COL5A2: variants seen among roughly 807,000 people sequenced by gnomAD.
COL5A2 encodes the protein collagen alpha-2(V) chain.
Under a neutral mutation model 208.2 loss-of-function variants are expected in COL5A2, and 23 were observed. The observed-to-expected ratio is 0.11, with a 90% CI of 0.08 to 0.16. COL5A2 has a LOEUF of 0.16. Among genes scored for constraint, COL5A2 ranks in the 10% least tolerant of loss-of-function variants. The pLI, the probability that COL5A2 is intolerant of heterozygous loss-of-function variation, is 1.00. For missense variants in COL5A2, 1,590 were observed against 1,956.4 expected (o/e 0.81, Z 3.53); for synonymous variants, 625 against 628.5 (o/e 0.99, Z 0.08).
upstream of COL5A2, among the ~76,000 whole-genome samples, chr2:189,180,662 T>A (rs903783857): frequency 6.6e-6 from 1 of 152,210 alleles, no homozygotes; most frequent in Non-Finnish European, 1.5e-5. Flanking sequence ...TTAGTGACAC[T>A]AAAATGAGTA....
chr2:189,292,672 G>C, the COL5A2 span, among the ~76,000 whole-genome samples: 245 of 152,236 alleles, frequency 1.6e-3, 1 homozygote, highest in African/African-American at 5.5e-3. Context: ...TAAACTAGCT[G>C]AACCATTGTG....
At chr2:189,392,353 C>T in the COL5A2 span, among the ~76,000 whole-genome samples, 1 of 152,088 alleles carries the variant, frequency 6.6e-6, no homozygotes, top group Non-Finnish European at 1.5e-5. Flanking sequence ...CTGACTTTGA[C>T]CTTATCCTCT....
In COL5A2 at chr2:189,110,414, C is replaced by T; in HGVS notation, c.133G>A (p.Gly45Ser). Residue 45 changes from glycine to serine, a missense_variant, in exon 2 of 54, where the codon GGC (glycine) becomes AGC (serine). Transcript: ENST00000374866. ...YGEEIACTQN[G>S]QMYLNRDIWK... is the part of the protein sequence containing the mutation. ...ATGTCCCTGTTTAAGTACATCTGGCCATTCTGAGTGCAGGCTATTTCTTCA... is the reference window on the plus strand; with the variant it reads ...ATGTCCCTGTTTAAGTACATCTGGCTATTCTGAGTGCAGGCTATTTCTTCA... 1.2e-6 allele frequency: 2 copies of T among 1,614,048 alleles called. No homozygotes were observed. Among genetic ancestry groups the T allele is most frequent in the Non-Finnish European group, 1.7e-6 (2 of 1,179,944 alleles).
chr2:189,069,302 T>G (rs1341474242), intron 18 of COL5A2, among the ~76,000 whole-genome samples: 1 of 152,236 alleles, frequency 6.6e-6, no homozygotes, highest in South Asian at 2.1e-4. Flanking sequence ...ACACTGAGTC[T>G]ACTCAAAGAA....
chr2:189,038,150 T>C (rs929806412), intron 51 of COL5A2, among the ~76,000 whole-genome samples: 4 of 152,144 alleles, frequency 2.6e-5, no homozygotes, highest in African/African-American at 9.7e-5. Flanking sequence ...GAGCATAGTA[T>C]CCAATAGGTA....
chr2:189,287,430 G>A, the COL5A2 span, among the ~76,000 whole-genome samples: 2 of 151,948 alleles, frequency 1.3e-5, no homozygotes, highest in South Asian at 2.1e-4. Context: ...GGAAGGTGGG[G>A]AGGTTGGGGA....
At chr2:189,104,562 T>C (rs939038451) in intron 2 of COL5A2, among the ~76,000 whole-genome samples, 63 of 151,996 alleles carry the variant, frequency 4.1e-4, no homozygotes, top group African/African-American at 1.5e-3. Context: ...AAAGCTATAA[T>C]GAATTATCTT....
intron 1 of COL5A2, among the ~76,000 whole-genome samples, chr2:189,125,826 T>A (rs985014513): frequency 6.6e-6 from 1 of 152,072 alleles, no homozygotes; most frequent in Non-Finnish European, 1.5e-5. Flanking sequence ...TTGGCGCCCA[T>A]AACCCCCATA....
chr2:189,040,875 T>C (rs7421040), intron 50 of COL5A2, among the ~76,000 whole-genome samples: 108,510 of 152,086 alleles, frequency 0.71, 39,771 homozygotes, highest in Non-Finnish European at 0.81. Context: ...CTCTTGTCCA[T>C]AGGAAATATA....
intron 6 of COL5A2, chr2:189,095,687 A>C (rs1686895009): frequency 6.6e-6 from 1 of 152,146 alleles, no homozygotes. Context: ...CTGGTCCTAC[A>C]ACAACTTCTA....
At chr2:189,130,092 T>C (rs1269171945) in intron 1 of COL5A2, among the ~76,000 whole-genome samples, 1 of 152,044 alleles carries the variant, frequency 6.6e-6, no homozygotes, top group Non-Finnish European at 1.5e-5. Flanking sequence ...CTGCCCTGGA[T>C]TGTGGTGATA....
chr2:189,357,403 CTACTGCCTTTTTT>C, the COL5A2 span, among the ~76,000 whole-genome samples: 34 of 152,274 alleles, frequency 2.2e-4, no homozygotes, highest in Admixed American at 5.9e-4. Flanking sequence ...CTGACTGGGG[CTACTGCCTTTTTT>C]TCAGGAGGAA....
chr2:189,052,349 A>AT (rs901391771), intron 40 of COL5A2, 124 bp from the exon 41 acceptor site: 936 of 909,794 alleles, frequency 1.0e-3, no homozygotes, highest in African/African-American at 2.2e-3. Context: ...TGTAAGCAAT[A>AT]TTTTTTTTTC....
the COL5A2 span, among the ~76,000 whole-genome samples, chr2:189,243,647 C>A: frequency 6.6e-6 from 1 of 152,080 alleles, no homozygotes; most frequent in Non-Finnish European, 1.5e-5. Context: ...GCCCCTGGCC[C>A]CTCTCAAATC....
rs376308674 is a variant in COL5A2 at position 189,083,674 on chromosome 2, GA to G, written c.852+309del. On this transcript the variant is annotated intron_variant, in intron 12 of 53. Transcript: ENST00000374866. The stretch of plus-strand genomic sequence containing the variant: ...AGGTCAAGCTGGTAACTCATTTTAT[GA>G]AAAAAAAAAAACTATTTTTTTCTGA... Among the ~76,000 whole-genome samples the G allele has an allele frequency of 0.15, 21,553 of 145,056 alleles. 1,498 individuals are homozygous for G. Among genetic ancestry groups the G allele is most frequent in the South Asian group, 0.19 (894 of 4,636 alleles).
intron 1 of COL5A2, among the ~76,000 whole-genome samples, chr2:189,174,736 G>T (rs971927461): frequency 1.3e-5 from 2 of 152,174 alleles, no homozygotes; most frequent in Non-Finnish European, 2.9e-5. Context: ...ACACTGATCT[G>T]TGGCTTGCTT....
the COL5A2 span, among the ~76,000 whole-genome samples, chr2:189,400,156 A>C: frequency 1.3e-5 from 2 of 152,112 alleles, no homozygotes; most frequent in Admixed American, 1.3e-4. Context: ...ATTTGCCTAC[A>C]TATGTTTTTC....
At chr2:189,210,086 C>G (rs143520201) in intron 1 of COL5A2, among the ~76,000 whole-genome samples, 1 of 152,132 alleles carries the variant, frequency 6.6e-6, no homozygotes, top group Non-Finnish European at 1.5e-5. Flanking sequence ...AGCAAACAGT[C>G]TTCAGAAGAA....
chr2:189,240,506 C>T, the COL5A2 span, among the ~76,000 whole-genome samples: 2 of 152,188 alleles, frequency 1.3e-5, no homozygotes, highest in African/African-American at 2.4e-5. Flanking sequence ...TTTAGGGCTA[C>T]ACAAACATTT....
Sources: allele counts gnomAD v4.1 joint callset (sites outside exome capture counted in the v4.1 genomes callset), GRCh38; gene constraint gnomAD v4.1.1; transcripts MANE v1.5; gene names NCBI Gene and HGNC (gene_info 2026-07-23, HGNC 2026-07-21).